NCBP1: variants seen among roughly 807,000 people sequenced by gnomAD.
The protein encoded by NCBP1 is nuclear cap binding protein subunit 1, also known as nuclear cap-binding protein subunit 1.
Under a neutral mutation model 111.7 loss-of-function variants are expected in NCBP1, and 16 were observed. The ratio of observed to expected loss-of-function variants is 0.14; its 90% confidence interval spans 0.10 to 0.22. The LOEUF (loss-of-function observed/expected upper bound fraction) is 0.22. Ranked by LOEUF, NCBP1 falls within the 10% of genes least tolerant of loss-of-function variation. The pLI is 1.00. For missense variants in NCBP1, 607 were observed against 957.5 expected, an observed-to-expected ratio of 0.63 and a Z score of 4.83; for synonymous variants, 304 against 314.3, an observed-to-expected ratio of 0.97 and a Z score of 0.35.
chr9:97,646,576 C>G (rs1220849147), intron 6 of NCBP1, among the ~76,000 whole-genome samples: 2 of 152,104 alleles, frequency 1.3e-5, no homozygotes, highest in Non-Finnish European at 2.9e-5. Flanking sequence ...TGGCTCACGC[C>G]TGTAATCCCA....
intron 19 of NCBP1, among the ~76,000 whole-genome samples, chr9:97,664,898 G>A (rs1488338930): frequency 6.6e-6 from 1 of 152,202 alleles, no homozygotes; most frequent in East Asian, 1.9e-4. Flanking sequence ...CAAGACACCT[G>A]AGGGATGGGG....
chr9:97,637,674 G>T (rs1827085732), intron 1 of NCBP1, among the ~76,000 whole-genome samples: 1 of 152,154 alleles, frequency 6.6e-6, no homozygotes, highest in Non-Finnish European at 1.5e-5. Context: ...CTTTCAAGTT[G>T]TTCAATATCA....
At chr9:97,642,554 C>T (rs1030904624) in intron 3 of NCBP1, among the ~76,000 whole-genome samples, 9 of 152,036 alleles carry the variant, frequency 5.9e-5, no homozygotes, top group Non-Finnish European at 2.9e-5. Context: ...TATTGTAATC[C>T]TTTCCCATAC....
chr9:97,633,964 A>C, intron 1 of NCBP1, 49 bp downstream of exon 1: 1 of 1,543,156 alleles, frequency 6.5e-7, no homozygotes, highest in Non-Finnish European at 8.7e-7. Flanking sequence ...TTGGGAGCCG[A>C]GGCTCGGCGT....
chr9:97,656,703 T>C (rs1007557442), intron 14 of NCBP1, among the ~76,000 whole-genome samples: 1 of 152,196 alleles, frequency 6.6e-6, no homozygotes, highest in African/African-American at 2.4e-5. Context: ...CACTCCCTTT[T>C]CGTCTCTCCC....
In NCBP1 at chr9:97,650,559, T is replaced by A; in HGVS notation, c.954T>A (p.Leu318=). Residue 318 remains leucine, a synonymous_variant, in exon 9 of 23, where the codon CTT becomes CTA. Transcript: ENST00000375147. The part of the protein sequence containing the change: ...SVERFVIEEN[L]HCIIKSHWKE... Reference sequence around the variant, plus strand: ...AAAGATTTGTAATAGAAGAGAATCTTCACTGCATCATTAAGTCCCACTGGA... The same window carrying A: ...AAAGATTTGTAATAGAAGAGAATCTACACTGCATCATTAAGTCCCACTGGA... 1 of 1,613,462 alleles carries A rather than the reference T, an allele frequency of 6.2e-7. No individual in the cohort carries two copies. The highest frequency in any genetic ancestry group is 8.5e-7 in the Non-Finnish European group (1 of 1,179,584).
At chr9:97,651,518 C>T in intron 10 of NCBP1, 145 bp downstream of exon 10, 1 of 765,936 alleles carries the variant, frequency 1.3e-6, no homozygotes, top group Non-Finnish European at 1.9e-6. Context: ...AAGGAAATTG[C>T]TGTCGGTTTT....
chr9:97,658,636 G>A lies in NCBP1; in HGVS notation c.1374-4G>A, dbSNP rs370009733. The A allele has an allele frequency of 1.2e-5, 19 of 1,597,166 alleles. No homozygotes were observed. The highest frequency in any genetic ancestry group is 2.7e-5 in the African/African-American group (2 of 74,060). ...ATTTTCTGAGGCTGTTATTTGTATT[G>A]TAGGTTGTCTTACCATCAGCGTATA... On this transcript the variant is annotated splice_region_variant and splice_polypyrimidine_tract_variant and intron_variant, in intron 14 of 22. Transcript: ENST00000375147.
chr9:97,667,012 C>T, intron 20 of NCBP1, 135 bp downstream of exon 20: 3 of 628,822 alleles, frequency 4.8e-6, no homozygotes, highest in Non-Finnish European at 7.8e-6. Flanking sequence ...TTTTTCTGAG[C>T]CCAATTTAAT....
intron 20 of NCBP1, 145 bp downstream of exon 20, chr9:97,667,022 TGCAGAA>T (rs990161489): frequency 3.7e-4 from 221 of 593,110 alleles, no homozygotes; most frequent in African/African-American, 3.6e-3. Context: ...CCCAATTTAA[TGCAGAA>T]GCAGAAGAGG....
intron 6 of NCBP1, among the ~76,000 whole-genome samples, chr9:97,646,345 CAAT>C (rs1332850156): frequency 5.9e-5 from 9 of 152,062 alleles, no homozygotes; most frequent in Non-Finnish European, 1.0e-4. Flanking sequence ...TTGTTAGATA[CAAT>C]AATAATAAAT....
At chr9:97,645,855 G>T in intron 6 of NCBP1, 123 bp downstream of exon 6, 1 of 1,197,588 alleles carries the variant, frequency 8.4e-7, no homozygotes, top group Non-Finnish European at 1.2e-6. Flanking sequence ...AGGTAATCCT[G>T]TTCTCCTGCT....
chr9:97,649,842 C>G (rs901350072), intron 8 of NCBP1, among the ~76,000 whole-genome samples: 1 of 151,728 alleles, frequency 6.6e-6, no homozygotes, highest in Non-Finnish European at 1.5e-5. Context: ...ATATCCATCC[C>G]TTGCTAGAAG....
chr9:97,671,187 C>T lies in NCBP1; in HGVS notation c.2361C>T (p.Ala787=), dbSNP rs1828180572. The change falls in exon 23 of 23, where the codon GCC becomes GCT. Residue 787 remains alanine, a synonymous_variant. Coordinates refer to ENST00000375147, the MANE Select transcript of NCBP1 (RefSeq NM_002486.5). ...TGGCCGTGTTCCAGCAGTTCTGTGC[C>T]CTGCAGGCCTAAGGGTCATTTTTTC... ...HILAVFQQFC[A]LQA is the part of the protein sequence containing the mutation. The T allele has an allele frequency of 1.2e-6, 2 of 1,606,228 alleles. No homozygotes were observed. The highest frequency in any genetic ancestry group is 1.7e-6 in the Non-Finnish European group (2 of 1,173,252).
intron 12 of NCBP1, among the ~76,000 whole-genome samples, chr9:97,655,394 A>AT (rs57821267): frequency 7.4e-5 from 11 of 149,280 alleles, no homozygotes; most frequent in African/African-American, 4.9e-5. Context: ...ATTTCATAAA[A>AT]TTTTTTTTTT....
At chr9:97,669,528 T>A in intron 21 of NCBP1, 65 bp from the exon 22 acceptor site, 2 of 1,130,818 alleles carry the variant, frequency 1.8e-6, no homozygotes. Flanking sequence ...TTCTTTGTCA[T>A]GAATTTTTTT....
rs752949284 is a variant in NCBP1, at chr9:97,648,116, C to T, written c.790C>T (p.Leu264=). The change falls in exon 8 of 23, where the codon CTG becomes TTG. Residue 264 remains leucine (L), a synonymous_variant. Transcript: ENST00000375147. ...CTTTGACAGCATCCTGTGTGAAGCA[C>T]TGCAGCACAATCTGCCTCCTTTTAC... ...LAFDSILCEA[L]QHNLPPFTPP... 1 of 1,614,146 alleles carries T rather than the reference C, an allele frequency of 6.2e-7. No individual in the cohort carries two copies. The highest frequency in any genetic ancestry group is 8.5e-7 in the Non-Finnish European group (1 of 1,180,002).
chr9:97,670,508 T>C (rs1422375296), intron 22 of NCBP1, among the ~76,000 whole-genome samples: 1 of 152,064 alleles, frequency 6.6e-6, no homozygotes, highest in Non-Finnish European at 1.5e-5. Context: ...TTGTTCATTC[T>C]AGAAGAATGA....
At position 97,654,914 on chromosome 9, in the gene NCBP1, T is replaced by C. The variant is rs1365080891; in HGVS notation, c.1205T>C (p.Leu402Ser). The change falls in exon 12 of 23, where the codon TTG becomes TCG. Residue 402 changes from leucine to serine, a missense_variant. Coordinates refer to ENST00000375147, the MANE Select transcript of NCBP1 (RefSeq NM_002486.5). ...AQATEMLYMR[L>S]DTMNTTCVDR... ...GCAACTGAAATGCTATACATGCGTT[T>C]GGACACAATGAACACTACCTGTGTA... The C allele has an allele frequency of 1.2e-6, 2 of 1,611,972 alleles. No individual in the cohort carries two copies.
Sources: allele counts gnomAD v4.1 joint callset (sites outside exome capture counted in the v4.1 genomes callset), GRCh38; gene constraint gnomAD v4.1.1; transcripts MANE v1.5; gene names NCBI Gene and HGNC (gene_info 2026-07-23, HGNC 2026-07-21).